The following PRKAA1 variants were observed in gnomAD, a reference collection of about 807,000 sequenced individuals.
PRKAA1 encodes 5'-AMP-activated protein kinase catalytic subunit alpha-1.
In PRKAA1, 23 loss-of-function variants were observed where a neutral mutation model predicts 56.9. The observed-to-expected ratio is 0.40, with a 90% CI of 0.29 to 0.57. The LOEUF (loss-of-function observed/expected upper bound fraction) is 0.57. PRKAA1 is among the 20% of genes least tolerant of loss of function. The probability of loss-of-function intolerance (pLI) is 0.39; values close to 1 mark genes in which losing one functional copy is unlikely to be tolerated. For synonymous variants in PRKAA1, 226 were observed against 227.0 expected, an observed-to-expected ratio of 1.00 and a Z score of 0.04; for missense variants, 413 against 679.7, an observed-to-expected ratio of 0.61 and a Z score of 4.36.
rs750732309 is a variant in PRKAA1 at position 40,795,008 on chromosome 5, T to TATAC, written c.127+3054_127+3055insGTAT. Among the ~76,000 whole-genome samples, 77 of 150,058 alleles carry TATAC rather than the reference T, an allele frequency of 5.1e-4. 1 individual carries two copies. Among genetic ancestry groups the TATAC allele is most frequent in the African/African-American group, 1.8e-3 (73 of 40,658 alleles). On this transcript the variant is annotated intron_variant, in intron 1 of 8. Transcript: ENST00000397128. ...AGAAACTGTGGTGTATACATATATA[T>TATAC]ACACACACACACACACACACACACA...
In PRKAA1 at chr5:40,762,420, TTATAACACGTAATA is replaced by T. The variant is rs554691600; in HGVS notation, c.*344_*357del. 1.7e-5 allele frequency: 3 copies of T among 174,792 alleles called. No homozygotes were observed. The highest frequency in any genetic ancestry group is 1.5e-4 in the East Asian group (1 of 6,538). 10.8% of individuals were successfully genotyped at this position (174,792 alleles called of 1,614,324 possible). On this transcript the variant is annotated 3_prime_UTR_variant, in exon 9 of 9. Coordinates refer to ENST00000397128, the MANE Select transcript of PRKAA1 (RefSeq NM_006251.6). ...CTAGGCAAATATTTATTGAATAAAT[TTATAACACGTAATA>T]TATAACACGTAATAATATATGAAGG...
chr5:40,775,043 T>C (rs1579730115), intron 3 of PRKAA1: 1 of 1,076,332 alleles, frequency 9.3e-7, no homozygotes, highest in East Asian at 2.4e-5. Context: ...CTTTAAGTAA[T>C]AATAATATAT....
chr5:40,764,481 T>G, intron 8 of PRKAA1, 33 bp downstream of exon 8: 1 of 1,574,944 alleles, frequency 6.3e-7, no homozygotes, highest in Non-Finnish European at 8.6e-7. Context: ...AGTAACAAGG[T>G]CTAATCTATG....
chr5:40,776,645 T>TCTAC (rs1382914773), intron 2 of PRKAA1, among the ~76,000 whole-genome samples: 4 of 152,198 alleles, frequency 2.6e-5, no homozygotes, highest in Non-Finnish European at 5.9e-5. Flanking sequence ...CAGGAAATAG[T>TCTAC]TATTTGTAGA....
At chr5:40,793,381 C>T (rs1349196573) in intron 1 of PRKAA1, among the ~76,000 whole-genome samples, 1 of 152,148 alleles carries the variant, frequency 6.6e-6, no homozygotes, top group Admixed American at 6.6e-5. Flanking sequence ...ACTTTCCTCT[C>T]AAAATGCTAC....
intron 1 of PRKAA1, among the ~76,000 whole-genome samples, chr5:40,796,040 G>C (rs974571097): frequency 2.0e-5 from 3 of 152,218 alleles, no homozygotes; most frequent in Non-Finnish European, 4.4e-5. Context: ...GACCTGGCCG[G>C]GCACAGTGGC....
rs1450953446 is a variant in PRKAA1, at chr5:40,761,560, A to C, written c.*1218T>G. On this transcript the variant is annotated 3_prime_UTR_variant, in exon 9 of 9. Coordinates refer to ENST00000397128, the MANE Select transcript of PRKAA1 (RefSeq NM_006251.6). ...AATGGTAGATATACATGTGCTTACC[A>C]AACAGTTTTTCAATTTTTCTGTTTT... is the stretch of plus-strand genomic sequence containing the variant. 5 of 152,334 alleles carry C rather than the reference A, an allele frequency of 3.3e-5. No homozygotes were observed. The East Asian group carries it at 9.6e-4, about 29-fold the overall frequency. 9.4% of individuals were successfully genotyped at this position (152,334 alleles called of 1,614,324 possible). A position where few individuals can be genotyped will look rare whatever the true frequency, so the allele number is the denominator to read the frequency against.
intron 3 of PRKAA1, chr5:40,774,830 AG>A (rs1233590722): frequency 2.4e-5 from 23 of 949,622 alleles, no homozygotes; most frequent in Admixed American, 1.5e-4. Context: ...GTATGGGCAG[AG>A]GGCAGTGTTG....
At position 40,769,400 on chromosome 5, in the gene PRKAA1, G is replaced by C. The variant is rs1456979433; in HGVS notation, c.596+16C>G. On this transcript the variant is annotated intron_variant, in intron 5 of 8. Transcript: ENST00000397128. Reference sequence around the variant, plus strand: ...AATTTCAAATGTATTGAGGGAGGCAGGGTATCAAATACTACCTTCCTGAAA... The same window carrying C: ...AATTTCAAATGTATTGAGGGAGGCACGGTATCAAATACTACCTTCCTGAAA... The C allele has an allele frequency of 1.9e-6, 3 of 1,564,790 alleles. No individual in the cohort carries two copies. Among genetic ancestry groups the C allele is most frequent in the Non-Finnish European group, 2.6e-6 (3 of 1,138,338 alleles).
Position 40,773,929 on chromosome 5 carries a change from A to G in PRKAA1, c.363+1481T>C, listed in dbSNP as rs985970393. On this transcript the variant is annotated intron_variant, in intron 3 of 8. Transcript: ENST00000397128. ...ATGGGGGCTAAGACAAAGTCAACAT[A>G]CTAACTAGTGAGACTTGCATCTCTT... 2.0e-5 allele frequency among the ~76,000 whole-genome samples: 3 copies of G among 152,372 alleles called. No homozygotes were observed. The South Asian group carries it at 6.2e-4, about 32-fold the overall frequency.
At chr5:40,793,910 T>C (rs554710947) in intron 1 of PRKAA1, among the ~76,000 whole-genome samples, 1 of 152,238 alleles carries the variant, frequency 6.6e-6, no homozygotes, top group East Asian at 1.9e-4. Context: ...AAGACCAGCC[T>C]GGCCAACATG....
intron 1 of PRKAA1, among the ~76,000 whole-genome samples, chr5:40,793,665 T>C (rs1204341537): frequency 6.6e-6 from 1 of 152,220 alleles, no homozygotes; most frequent in Non-Finnish European, 1.5e-5. Context: ...TTAAGGCTGT[T>C]GGTGTTTAAT....
rs185749379 is a variant in PRKAA1 at position 40,795,704 on chromosome 5, C to A, written c.127+2359G>T. ...TTCTATTACTTGTGGCAAAAAGCAT[C>A]CCAACTGTTAACTTAAAAAATGAAC... is the stretch of plus-strand genomic sequence containing the variant. On this transcript the variant is annotated intron_variant, in intron 1 of 8. Transcript: ENST00000397128. Among the ~76,000 whole-genome samples the A allele has an allele frequency of 2.1e-3, 320 of 152,312 alleles. 1 individual carries two copies. The highest frequency in any genetic ancestry group is 3.5e-3 in the Admixed American group (54 of 15,304).
At chr5:40,786,806 A>G (rs1387070197) in intron 1 of PRKAA1, among the ~76,000 whole-genome samples, 1 of 148,878 alleles carries the variant, frequency 6.7e-6, no homozygotes, top group Non-Finnish European at 1.5e-5. Flanking sequence ...AAAAAAAAAA[A>G]AAAAAAGCTG....
chr5:40,797,127 CT>C (rs1168653561), intron 1 of PRKAA1, among the ~76,000 whole-genome samples: 1 of 152,162 alleles, frequency 6.6e-6, no homozygotes. Flanking sequence ...GTACAAGTGG[CT>C]TTTGGTTACA....
intron 1 of PRKAA1, among the ~76,000 whole-genome samples, chr5:40,779,502 T>C (rs539921509): frequency 4.6e-5 from 7 of 152,282 alleles, no homozygotes; most frequent in African/African-American, 1.7e-4. Flanking sequence ...AATACTCAGG[T>C]ATACTAACAA....
In PRKAA1 at chr5:40,777,522, C is replaced by G; in HGVS notation, c.192G>C (p.Arg64=). 1.2e-6 allele frequency: 2 copies of G among 1,613,762 alleles called. No homozygotes were observed. The highest frequency in any genetic ancestry group is 1.7e-6 in the Non-Finnish European group (2 of 1,179,642). Residue 64 remains arginine (R), a synonymous_variant, in exon 2 of 9, where the codon CGG becomes CGC. Transcript: ENST00000397128. ...GGATTTTTCCTACCACATCAAGGCTCCGAATCTTCTGTCGATTGAGTATCT... is the reference window on the plus strand; with the variant it reads ...GGATTTTTCCTACCACATCAAGGCTGCGAATCTTCTGTCGATTGAGTATCT... The part of the protein sequence containing the change: ...AVKILNRQKI[R]SLDVVGKIRR...
chr5:40,779,211 G>A (rs554847312), intron 1 of PRKAA1, among the ~76,000 whole-genome samples: 5 of 151,970 alleles, frequency 3.3e-5, no homozygotes, highest in Admixed American at 1.3e-4. Flanking sequence ...TTTGGGTTTA[G>A]GACATAATCC....
chr5:40,798,035 G>A (rs1345091499), intron 1 of PRKAA1, 28 bp downstream of exon 1: 2 of 1,602,632 alleles, frequency 1.2e-6, no homozygotes, highest in South Asian at 2.2e-5. Context: ...CTCAGCTGGG[G>A]CCAAGCCTAG....
Sources: gnomAD v4.1 joint callset for allele counts (sites outside exome capture counted in the v4.1 genomes callset) on GRCh38, gnomAD v4.1.1 for gene constraint, MANE v1.5 for transcripts, NCBI Gene and HGNC (gene_info 2026-07-23, HGNC 2026-07-21) for gene names.